ADGRL3: variants seen among roughly 807,000 people sequenced by gnomAD.
The protein encoded by ADGRL3 is calcium-independent alpha-latrotoxin receptor 3.
Under a neutral mutation model 153.5 loss-of-function variants are expected in ADGRL3, and 62 were observed. That is an observed-to-expected ratio of 0.40 (90% CI 0.33 to 0.50). The LOEUF (loss-of-function observed/expected upper bound fraction) is 0.50, where lower values mean the gene tolerates loss of function less well. Among genes scored for constraint, ADGRL3 ranks in the 20% least tolerant of loss-of-function variants. ADGRL3 has a pLI of 0.47. For synonymous variants in ADGRL3, 710 were observed against 672.5 expected, an observed-to-expected ratio of 1.06 and a Z score of -0.86; for missense variants, 1,641 against 1,859.4, an observed-to-expected ratio of 0.88 and a Z score of 2.16.
At chr4:62,041,887 A>C (rs1431646241) in intron 24 of ADGRL3, among the ~76,000 whole-genome samples, 2 of 151,938 alleles carry the variant, frequency 1.3e-5, no homozygotes, top group African/African-American at 4.8e-5. Context: ...GTGAGTTGTT[A>C]ACCTCCTGCA....
Position 62,014,802 on chromosome 4 carries a change from G to A in ADGRL3, c.3396-14053G>A, listed in dbSNP as rs529893322. On this transcript the variant is annotated intron_variant, in intron 21 of 26. Transcript: ENST00000683033. Reference sequence around the variant, plus strand: ...GATTAGCAAATTAATCACCACAAAGGTTAGTGGATTACACAAATGGAATGC... The same window carrying A: ...GATTAGCAAATTAATCACCACAAAGATTAGTGGATTACACAAATGGAATGC... Among the ~76,000 whole-genome samples the A allele has an allele frequency of 7.2e-5, 11 of 152,186 alleles. 2 individuals are homozygous for A. In the South Asian group the frequency reaches 2.3e-3, roughly 32 times the overall value.
chr4:61,213,854 A>G (rs558417977), intron 1 of ADGRL3, among the ~76,000 whole-genome samples: 141 of 152,230 alleles, frequency 9.3e-4, no homozygotes, highest in Non-Finnish European at 1.6e-3. Flanking sequence ...CCTGTTCTCT[A>G]ATTTTTTTCT....
intron 1 of ADGRL3, among the ~76,000 whole-genome samples, chr4:61,210,372 C>G (rs1002960460): frequency 6.6e-6 from 1 of 152,070 alleles, no homozygotes; most frequent in Non-Finnish European, 1.5e-5. Flanking sequence ...CTATTCAGGA[C>G]AGCCCCAGTG....
intron 18 of ADGRL3, among the ~76,000 whole-genome samples, chr4:61,982,275 A>G (rs1189065423): frequency 6.6e-6 from 1 of 152,206 alleles, no homozygotes; most frequent in Non-Finnish European, 1.5e-5. Flanking sequence ...TATGAAAAAC[A>G]TGGGTAGAGT....
At chr4:61,353,171 GTAAA>G (rs1466037378) in intron 1 of ADGRL3, among the ~76,000 whole-genome samples, 10 of 152,026 alleles carry the variant, frequency 6.6e-5, no homozygotes, top group Non-Finnish European at 1.3e-4. Flanking sequence ...TTTTGAATAA[GTAAA>G]TAAATAAGTC....
intron 15 of ADGRL3, among the ~76,000 whole-genome samples, chr4:61,936,399 A>G (rs1229529899): frequency 6.6e-6 from 1 of 152,090 alleles, no homozygotes; most frequent in South Asian, 2.1e-4. Flanking sequence ...TTTTTAATGT[A>G]AATTTTACTT....
At chr4:61,888,290 A>G (rs1024211351) in intron 9 of ADGRL3, among the ~76,000 whole-genome samples, 2 of 152,248 alleles carry the variant, frequency 1.3e-5, no homozygotes, top group Non-Finnish European at 2.9e-5. Context: ...ACAAACACAC[A>G]AAGCACTTAT....
intron 9 of ADGRL3, among the ~76,000 whole-genome samples, chr4:61,841,166 C>G (rs149447003): frequency 3.9e-4 from 59 of 152,308 alleles, no homozygotes; most frequent in African/African-American, 1.3e-3. Flanking sequence ...CCTCTCCTCT[C>G]TTTCATATTT....
chr4:62,071,609 C>T lies in ADGRL3; in HGVS notation c.*701C>T, dbSNP rs1045993332. The T allele has an allele frequency of 3.0e-6, 1 of 334,998 alleles. No individual in the cohort carries two copies. The highest frequency in any genetic ancestry group is 8.2e-5 in the East Asian group (1 of 12,140). The allele number at this position is 334,998 out of a possible 1,614,324, so 20.8% of individuals were successfully genotyped here. The stretch of plus-strand genomic sequence containing the variant: ...CACATATAGTCTGCTTTCTGTTCCT[C>T]CAGAATTTGAGTCCTGTTAATGTAG... On this transcript the variant is annotated 3_prime_UTR_variant, in exon 27 of 27. Transcript: ENST00000683033.
chr4:61,700,578 A>G (rs566434171), intron 6 of ADGRL3, among the ~76,000 whole-genome samples: 4 of 152,266 alleles, frequency 2.6e-5, no homozygotes, highest in African/African-American at 9.6e-5. Flanking sequence ...AATGATGGTA[A>G]TAGGAACAAA....
chr4:61,218,518 G>A (rs542458217), intron 1 of ADGRL3, among the ~76,000 whole-genome samples: 6 of 151,642 alleles, frequency 4.0e-5, no homozygotes, highest in Admixed American at 2.6e-4. Context: ...AAGTAGAGAC[G>A]AGATCTTGCT....
chr4:61,798,999 G>GTATATATATA lies in ADGRL3; in HGVS notation c.1400-14779_1400-14770dup, dbSNP rs34782885. Among the ~76,000 whole-genome samples, 66 of 80,752 alleles carry GTATATATATA rather than the reference G, an allele frequency of 8.2e-4. 1 individual carries two copies. The highest frequency in any genetic ancestry group is 1.1e-3 in the Non-Finnish European group (46 of 41,040). 53.0% of individuals were successfully genotyped at this position (80,752 alleles called of 152,430 possible). A position where few individuals can be genotyped will look rare whatever the true frequency, so the allele number is the denominator to read the frequency against. On this transcript the variant is annotated intron_variant, in intron 8 of 26. Transcript: ENST00000683033. The stretch of plus-strand genomic sequence containing the variant: ...CATTATTATATATTATATATAAACA[G>GTATATATATA]TATATATATATATATATATATATAT...
At chr4:61,425,019 C>T (rs535370854) in intron 2 of ADGRL3, among the ~76,000 whole-genome samples, 1 of 152,264 alleles carries the variant, frequency 6.6e-6, no homozygotes, top group East Asian at 1.9e-4. Flanking sequence ...TTCCATGTCT[C>T]CACAGACCCA....
At chr4:61,545,808 C>T (rs1019518697) in intron 4 of ADGRL3, among the ~76,000 whole-genome samples, 2 of 152,122 alleles carry the variant, frequency 1.3e-5, no homozygotes, top group South Asian at 2.1e-4. Context: ...AGCTACCGCG[C>T]GGGGCCTCTG....
chr4:61,444,991 G>A (rs1263052884), intron 2 of ADGRL3, among the ~76,000 whole-genome samples: 2 of 151,916 alleles, frequency 1.3e-5, no homozygotes, highest in Non-Finnish European at 2.9e-5. Context: ...GGTCAAGGAT[G>A]CAGTGAACAA....
At chr4:61,621,831 T>C (rs1006301881) in intron 5 of ADGRL3, among the ~76,000 whole-genome samples, 27 of 152,210 alleles carry the variant, frequency 1.8e-4, no homozygotes, top group African/African-American at 6.3e-4. Context: ...AGAAGAAAAA[T>C]AGTTATATGT....
intron 14 of ADGRL3, among the ~76,000 whole-genome samples, chr4:61,935,311 G>T (rs2098833760): frequency 6.6e-6 from 1 of 152,104 alleles, no homozygotes; most frequent in South Asian, 2.1e-4. Flanking sequence ...TTTTATGTAT[G>T]TATTACACTA....
At chr4:61,843,632 T>C (rs1382748089) in intron 9 of ADGRL3, among the ~76,000 whole-genome samples, 1 of 152,194 alleles carries the variant, frequency 6.6e-6, no homozygotes, top group Non-Finnish European at 1.5e-5. Flanking sequence ...GAAAAAAAAT[T>C]ATCCTTTTAA....
At chr4:61,808,037 A>G (rs1005643653) in intron 8 of ADGRL3, among the ~76,000 whole-genome samples, 1 of 152,104 alleles carries the variant, frequency 6.6e-6, no homozygotes, top group African/African-American at 2.4e-5. Flanking sequence ...ACACTGCCAC[A>G]GTCTTTCACT....
Sources: allele counts gnomAD v4.1 joint callset (sites outside exome capture counted in the v4.1 genomes callset), GRCh38; gene constraint gnomAD v4.1.1; transcripts MANE v1.5; gene names NCBI Gene and HGNC (gene_info 2026-07-23, HGNC 2026-07-21).